COL5A1: variants seen among roughly 807,000 people sequenced by gnomAD.
COL5A1 encodes collagen alpha-1(V) chain.
Under a neutral mutation model 263.7 loss-of-function variants are expected in COL5A1, and 16 were observed. The ratio of observed to expected loss-of-function variants is 0.06; its 90% CI spans 0.04 to 0.09. The LOEUF is 0.09. Ranked by LOEUF, COL5A1 falls within the 10% of genes least tolerant of loss-of-function variation. The pLI is 1.00. For synonymous variants in COL5A1, 1,012 were observed against 1,004.5 expected (o/e 1.01, Z -0.14); for missense variants, 2,036 against 2,540.5 (o/e 0.80, Z 4.27).
chr9:134,841,622 C>T lies in COL5A1; in HGVS notation c.5371-535C>T, dbSNP rs749317973. 5.3e-5 allele frequency among the ~76,000 whole-genome samples: 8 copies of T among 152,294 alleles called. No individual in the cohort carries two copies. The highest frequency in any genetic ancestry group is 1.9e-4 in the East Asian group (1 of 5,184). ...CTTGTGGAGGTGAAGACCCAGCCCA[C>T]CGAGTGCCTAAGGCAGTGTGTGGCA... is the stretch of plus-strand genomic sequence containing the variant. On this transcript the variant is annotated intron_variant, in intron 65 of 65. Transcript: ENST00000371817. This position sits in a 1 kb window ranked among gnomAD's most constrained non-coding sequence, Gnocchi z 4.8.
At chr9:134,685,857 CCATCCATCGTCCAT>C (rs1833057567) in intron 1 of COL5A1, among the ~76,000 whole-genome samples, 2 of 150,536 alleles carry the variant, frequency 1.3e-5, no homozygotes, top group Non-Finnish European at 3.0e-5. Context: ...CCATCATCAT[CCATCCATCGTCCAT>C]CATCCATCCA....
chr9:134,732,946 G>A (rs115711241), intron 9 of COL5A1, among the ~76,000 whole-genome samples: 2,211 of 152,326 alleles, frequency 0.015, 63 homozygotes, highest in African/African-American at 0.05. Flanking sequence ...GATGCCCTGT[G>A]ATCAGCTGGG....
chr9:134,760,354 C>CAT (rs1564439985), intron 18 of COL5A1, among the ~76,000 whole-genome samples: 5 of 99,904 alleles, frequency 5.0e-5, no homozygotes, highest in Non-Finnish European at 3.8e-5. Flanking sequence ...CCCACACACC[C>CAT]CCACACATAC....
chr9:134,830,681 C>T (rs1010418842), intron 64 of COL5A1, among the ~76,000 whole-genome samples: 5 of 152,248 alleles, frequency 3.3e-5, no homozygotes, highest in African/African-American at 1.2e-4. Context: ...AGTTACACTG[C>T]ACACCACTGT....
rs34089816 is a variant in COL5A1 at position 134,785,742 on chromosome 9, A to C, written c.2593-253A>C. On this transcript the variant is annotated intron_variant, in intron 30 of 65. Coordinates refer to ENST00000371817, the MANE Select transcript of COL5A1 (RefSeq NM_000093.5). Reference sequence around the variant, plus strand: ...CTAATCGCTTTGCTCCACAGTGGCAAGACCTCTCCTCCAGGGGCCTTCGCT... The same window carrying C: ...CTAATCGCTTTGCTCCACAGTGGCACGACCTCTCCTCCAGGGGCCTTCGCT... 0.16 allele frequency among the ~76,000 whole-genome samples: 23,600 copies of C among 152,226 alleles called. 2,103 individuals carry two copies. Among genetic ancestry groups the C allele is most frequent in the African/African-American group, 0.24 (9,930 of 41,518 alleles).
At chr9:134,666,596 C>T (rs932792475) in intron 1 of COL5A1, among the ~76,000 whole-genome samples, 12 of 152,130 alleles carry the variant, frequency 7.9e-5, no homozygotes, top group South Asian at 4.2e-4. Flanking sequence ...ACTGAGAGCT[C>T]GTGAAGGTCA....
intron 1 of COL5A1, among the ~76,000 whole-genome samples, chr9:134,649,183 T>C (rs1831582526): frequency 6.6e-6 from 1 of 152,082 alleles, no homozygotes; most frequent in South Asian, 2.1e-4. Context: ...AATGAATGAA[T>C]TGGTGGCTGG....
chr9:134,653,831 G>A (rs1232109260), intron 1 of COL5A1, among the ~76,000 whole-genome samples: 1 of 151,294 alleles, frequency 6.6e-6, no homozygotes, highest in African/African-American at 2.4e-5. Flanking sequence ...GGTGTGCAGG[G>A]CCGGGTGTCT....
rs1042414717 is a variant in COL5A1, at chr9:134,789,575, A to G, written c.2700+367A>G. 1.3e-5 allele frequency among the ~76,000 whole-genome samples: 2 copies of G among 152,228 alleles called. No individual in the cohort carries two copies. The highest frequency in any genetic ancestry group is 2.9e-5 in the Non-Finnish European group (2 of 68,044). ...ATTTTAAAAGGAAGGGAAAAAGGAG[A>G]TTGTTTTTTCCCTTCAAAAATGTCC... is the stretch of plus-strand genomic sequence containing the variant. On this transcript the variant is annotated intron_variant, in intron 32 of 65. Coordinates refer to ENST00000371817, the MANE Select transcript of COL5A1 (RefSeq NM_000093.5). The surrounding 1 kb of genome is among the most constrained non-coding windows in gnomAD (Gnocchi z 4.8).
intron 25 of COL5A1, among the ~76,000 whole-genome samples, chr9:134,771,080 C>T (rs757411262): frequency 1.3e-5 from 2 of 152,234 alleles, no homozygotes; most frequent in Non-Finnish European, 2.9e-5. Flanking sequence ...TGTGCGTCTC[C>T]GCAGCGGCGC....
chr9:134,823,560 C>G, intron 61 of COL5A1, 91 bp downstream of exon 61: 1 of 1,364,490 alleles, frequency 7.3e-7, no homozygotes, highest in Admixed American at 1.7e-5. Flanking sequence ...GTGACCCCTC[C>G]TGAGACTCAT....
At position 134,815,919 on chromosome 9, in the gene COL5A1, G is replaced by A. The variant is rs201267375; in HGVS notation, c.4069-16G>A. 1.1e-5 allele frequency: 17 copies of A among 1,614,000 alleles called. No individual in the cohort carries two copies. Among genetic ancestry groups the A allele is most frequent in the African/African-American group, 2.7e-5 (2 of 74,928 alleles). On this transcript the variant is annotated splice_polypyrimidine_tract_variant and intron_variant, in intron 51 of 65. Coordinates refer to ENST00000371817, the MANE Select transcript of COL5A1 (RefSeq NM_000093.5). ...CCATCCGGGGTTCAGCAAGGAGCTCGCTTTTGCCTCCATAGGGTCAAGATG... is the reference window on the plus strand; with the variant it reads ...CCATCCGGGGTTCAGCAAGGAGCTCACTTTTGCCTCCATAGGGTCAAGATG...
rs573111536 is a variant in COL5A1, at chr9:134,758,037, A to T, written c.1882-206A>T. 1.7e-4 allele frequency among the ~76,000 whole-genome samples: 26 copies of T among 152,290 alleles called. No homozygotes were observed. The South Asian group carries it at 4.3e-3, about 25-fold the overall frequency. On this transcript the variant is annotated intron_variant, in intron 17 of 65. Transcript: ENST00000371817. The surrounding 1 kb of genome is among the most constrained non-coding windows in gnomAD (Gnocchi z 4.1). ...AAAGTCATCTCCCCCTTTGCAGCCC[A>T]TGTTCATGTTTGCAGGGGAAGAGGC... is the stretch of plus-strand genomic sequence containing the variant.
chr9:134,732,482 A>G, intron 9 of COL5A1: 1 of 454,704 alleles, frequency 2.2e-6, no homozygotes, highest in Non-Finnish European at 4.1e-6. Flanking sequence ...GGTGGAGGAG[A>G]GGATGTAAAT....
rs1838822097 is a variant in COL5A1 at position 134,817,842 on chromosome 9, T to G, written c.4230+11T>G. On this transcript the variant is annotated intron_variant, in intron 54 of 65. Coordinates refer to ENST00000371817, the MANE Select transcript of COL5A1 (RefSeq NM_000093.5). ...GAGAAAGGGGCCAAGGTAACGTGTT[T>G]TGGAGCCAGGCTGTGACCGCGTAGA... 2 of 1,599,330 alleles carry G rather than the reference T, an allele frequency of 1.3e-6. No individual in the cohort carries two copies. Among genetic ancestry groups the G allele is most frequent in the East Asian group, 4.5e-5 (2 of 44,134 alleles).
At chr9:134,814,945 G>T (rs1355513479) in intron 50 of COL5A1, 41 bp downstream of exon 50, 2 of 1,390,006 alleles carry the variant, frequency 1.4e-6, no homozygotes, top group South Asian at 2.5e-5. Flanking sequence ...TGCAGCAGGG[G>T]CGGGGCTCTG....
At chr9:134,806,373 C>A in intron 42 of COL5A1, 77 bp downstream of exon 42, 1 of 1,023,006 alleles carries the variant, frequency 9.8e-7, no homozygotes, top group Non-Finnish European at 1.5e-6. Flanking sequence ...TTGTCCCTCC[C>A]CCTGTGATGT....
intron 1 of COL5A1, among the ~76,000 whole-genome samples, chr9:134,685,458 AT>A (rs1564386542): frequency 3.6e-3 from 9 of 2,508 alleles, no homozygotes; most frequent in East Asian, 0.012. Flanking sequence ...TCATCCATCC[AT>A]CCATCCATTC....
At position 134,820,227 on chromosome 9, in the gene COL5A1, C is replaced by T. The variant is rs747787995; in HGVS notation, c.4554+4C>T. On this transcript the variant is annotated splice_donor_region_variant and intron_variant, in intron 58 of 65. Coordinates refer to ENST00000371817, the MANE Select transcript of COL5A1 (RefSeq NM_000093.5). ...CTCCGGTCCTAAGGGAGAACAGGTG[C>T]GTGAGATGGCACTTCTTGCATGTGG... 9 of 1,608,570 alleles carry T rather than the reference C, an allele frequency of 5.6e-6. No individual in the cohort carries two copies. The South Asian group carries it at 6.6e-5, about 12-fold the overall frequency.
Sources: allele counts gnomAD v4.1 joint callset (sites outside exome capture counted in the v4.1 genomes callset), GRCh38; gene constraint gnomAD v4.1.1; non-coding constraint Gnocchi (gnomAD v3.1); transcripts MANE v1.5; gene names NCBI Gene and HGNC (gene_info 2026-07-23, HGNC 2026-07-21).